The following MEOX2 variants were observed in gnomAD, a reference collection of about 807,000 sequenced individuals.
MEOX2 encodes the protein homeobox protein MOX-2.
In MEOX2, 11 loss-of-function variants were observed where a neutral mutation model predicts 27.0. The ratio of observed to expected loss-of-function variants is 0.41; its 90% CI spans 0.26 to 0.68. MEOX2 has a LOEUF of 0.68. Ranked by LOEUF, MEOX2 falls within the 30% of genes least tolerant of loss-of-function variation. MEOX2 has a pLI of 0.33. For missense variants in MEOX2, 436 were observed against 385.4 expected, an observed-to-expected ratio of 1.13 and a Z score of -1.10; for synonymous variants, 189 against 155.4, an observed-to-expected ratio of 1.22 and a Z score of -1.61.
At chr7:15,669,305 A>T (rs1782060307) in intron 1 of MEOX2, among the ~76,000 whole-genome samples, 1 of 152,220 alleles carries the variant, frequency 6.6e-6, no homozygotes, top group African/African-American at 2.4e-5. Flanking sequence ...CTGGGCACTT[A>T]TTTATATTTG....
In MEOX2 at chr7:15,678,414, G is replaced by A. The variant is rs773892596; in HGVS notation, c.517+7472C>T. Among the ~76,000 whole-genome samples the A allele has an allele frequency of 1.8e-4, 28 of 151,972 alleles. 2 individuals carry two copies. Among genetic ancestry groups the A allele is most frequent in the South Asian group, 4.1e-4 (2 of 4,822 alleles). On this transcript the variant is annotated intron_variant, in intron 1 of 2. Coordinates refer to ENST00000262041, the MANE Select transcript of MEOX2 (RefSeq NM_005924.5). ...ACCAAGCTAGTCCCCATTACGTTTC[G>A]GATAACACATATTTATTTTTCTGAA...
Position 15,656,233 on chromosome 7 carries a change from G to C in MEOX2, c.518-29315C>G, listed in dbSNP as rs1371617797. Among the ~76,000 whole-genome samples, 5 of 151,496 alleles carry C rather than the reference G, an allele frequency of 3.3e-5. No homozygotes were observed. In the South Asian group the frequency reaches 1.0e-3, roughly 31 times the overall value. ...TTTAATTTTCTTTGCTCCCAACCTA[G>C]ATTTATGATTGTATTTAGAGTGAGT... is the stretch of plus-strand genomic sequence containing the variant. On this transcript the variant is annotated intron_variant, in intron 1 of 2. Transcript: ENST00000262041.
chr7:15,682,389 G>A (rs889849775), intron 1 of MEOX2, among the ~76,000 whole-genome samples: 6 of 151,728 alleles, frequency 4.0e-5, no homozygotes, highest in African/African-American at 1.4e-4. Context: ...TGTAATATTT[G>A]CTAGTCATTC....
chr7:15,615,668 T>C (rs73298592), intron 2 of MEOX2, among the ~76,000 whole-genome samples: 7,648 of 152,100 alleles, frequency 0.05, 254 homozygotes, highest in African/African-American at 0.1. Context: ...TGTGTGAATT[T>C]GAGAAAATTT....
intron 1 of MEOX2, among the ~76,000 whole-genome samples, chr7:15,627,497 C>G (rs1259830833): frequency 1.3e-5 from 2 of 151,754 alleles, no homozygotes; most frequent in Non-Finnish European, 2.9e-5. Flanking sequence ...ATACTTAGTC[C>G]AACATGGAAT....
At chr7:15,657,643 T>G (rs887643805) in intron 1 of MEOX2, among the ~76,000 whole-genome samples, 1 of 152,216 alleles carries the variant, frequency 6.6e-6, no homozygotes, top group African/African-American at 2.4e-5. Flanking sequence ...TTGAAAAGAT[T>G]TTATGATTAT....
In MEOX2 at chr7:15,611,301, A is replaced by G. The variant is rs1318744135; in HGVS notation, c.*1086T>C. On this transcript the variant is annotated 3_prime_UTR_variant, in exon 3 of 3. Transcript: ENST00000262041. ...ATGAATACATCACATATGAAAAAAT[A>G]ATGTGTTTTTACCGAATTTAATTTG... 6.6e-6 allele frequency: 1 copy of G among 152,192 alleles called. No homozygotes were observed. The highest frequency in any genetic ancestry group is 1.5e-5 in the Non-Finnish European group (1 of 68,012). The allele number at this position is 152,192 out of a possible 1,614,324, so 9.4% of individuals were successfully genotyped here. A position where few individuals can be genotyped will look rare whatever the true frequency, so the allele number is the denominator to read the frequency against.
chr7:15,660,752 T>A (rs1386890954), intron 1 of MEOX2, among the ~76,000 whole-genome samples: 1 of 152,024 alleles, frequency 6.6e-6, no homozygotes, highest in Non-Finnish European at 1.5e-5. Flanking sequence ...CCAGGCGTGG[T>A]GGCTCATGCC....
At chr7:15,656,158 C>T (rs1207177031) in intron 1 of MEOX2, among the ~76,000 whole-genome samples, 1 of 150,782 alleles carries the variant, frequency 6.6e-6, no homozygotes, top group African/African-American at 2.4e-5. Context: ...ATTAATATAC[C>T]CACTCCTTCC....
At chr7:15,632,153 C>T (rs1232917786) in intron 1 of MEOX2, among the ~76,000 whole-genome samples, 1 of 151,722 alleles carries the variant, frequency 6.6e-6, no homozygotes, top group East Asian at 1.9e-4. Context: ...CATTGCATTG[C>T]TGGAATAAAC....
chr7:15,649,559 A>C (rs1781704329), intron 1 of MEOX2, among the ~76,000 whole-genome samples: 1 of 152,062 alleles, frequency 6.6e-6, no homozygotes, highest in African/African-American at 2.4e-5. Context: ...AGATGACAAG[A>C]AAAATAAGAA....
intron 1 of MEOX2, among the ~76,000 whole-genome samples, chr7:15,638,894 T>C (rs185464468): frequency 3.3e-5 from 5 of 152,154 alleles, no homozygotes; most frequent in Admixed American, 1.3e-4. Context: ...GATGGACATT[T>C]AGGTTGATTC....
intron 1 of MEOX2, among the ~76,000 whole-genome samples, chr7:15,657,342 G>T (rs947421089): frequency 2.6e-5 from 4 of 151,804 alleles, no homozygotes; most frequent in African/African-American, 9.7e-5. Flanking sequence ...GATTGCTTTT[G>T]GTCACAGTCT....
chr7:15,678,067 T>A lies in MEOX2; in HGVS notation c.517+7819A>T, dbSNP rs796646996. Among the ~76,000 whole-genome samples, 10 of 152,174 alleles carry A rather than the reference T, an allele frequency of 6.6e-5. 1 individual carries two copies. The South Asian group carries it at 1.9e-3, about 28-fold the overall frequency. On this transcript the variant is annotated intron_variant, in intron 1 of 2. Transcript: ENST00000262041. Reference sequence around the variant, plus strand: ...TTAGAAACATGGGTGGCAGCAAGCCTCCAAATAGGGATGCCTAAACTCTGA... The same window carrying A: ...TTAGAAACATGGGTGGCAGCAAGCCACCAAATAGGGATGCCTAAACTCTGA...
At chr7:15,677,276 C>G (rs902215776) in intron 1 of MEOX2, among the ~76,000 whole-genome samples, 9 of 152,176 alleles carry the variant, frequency 5.9e-5, no homozygotes, top group African/African-American at 2.2e-4. Context: ...TGACACTTTA[C>G]TAAGCCAGAC....
At chr7:15,685,344 TAAG>T (rs1473231214) in intron 1 of MEOX2, among the ~76,000 whole-genome samples, 1 of 150,196 alleles carries the variant, frequency 6.7e-6, no homozygotes, top group Non-Finnish European at 1.5e-5. Flanking sequence ...AACGCTGAAA[TAAG>T]AATGTTAAAA....
At position 15,612,067 on chromosome 7, in the gene MEOX2, T is replaced by C. The variant is rs12672203; in HGVS notation, c.*320A>G. 0.048 allele frequency: 15,600 copies of C among 326,868 alleles called. 1,884 individuals are homozygous for C. The highest frequency in any genetic ancestry group is 0.42 in the East Asian group (6,792 of 16,112). The allele number at this position is 326,868 out of a possible 1,614,324, so 20.2% of individuals were successfully genotyped here. On this transcript the variant is annotated 3_prime_UTR_variant, in exon 3 of 3. Transcript: ENST00000262041. ...TGGAGACATCTTGAATAAAAAACCG[T>C]TCATAGTTTGCTCTTGATAGCAATT...
chr7:15,662,753 G>A (rs944220998), intron 1 of MEOX2, among the ~76,000 whole-genome samples: 1 of 151,434 alleles, frequency 6.6e-6, no homozygotes, highest in Non-Finnish European at 1.5e-5. Flanking sequence ...AGTATTTTTG[G>A]TAATTTATTT....
At position 15,686,520 on chromosome 7, in the gene MEOX2, G is replaced by A; in HGVS notation, c.-118C>T. The A allele has an allele frequency of 1.1e-6, 1 of 897,928 alleles. No individual in the cohort carries two copies. Among genetic ancestry groups the A allele is most frequent in the Non-Finnish European group, 1.7e-6 (1 of 597,744 alleles). The allele number at this position is 897,928 out of a possible 1,614,324, so 55.6% of individuals were successfully genotyped here. On this transcript the variant is annotated 5_prime_UTR_variant, in exon 1 of 3. Coordinates refer to ENST00000262041, the MANE Select transcript of MEOX2 (RefSeq NM_005924.5). ...TTTTTTTTAACCTCCCAAAGCAATAGCGGTGCACTTCTGCAGAGCTCGGAT... is the reference window on the plus strand; with the variant it reads ...TTTTTTTTAACCTCCCAAAGCAATAACGGTGCACTTCTGCAGAGCTCGGAT...
Sources: gnomAD v4.1 joint callset for allele counts (sites outside exome capture counted in the v4.1 genomes callset) on GRCh38, gnomAD v4.1.1 for gene constraint, MANE v1.5 for transcripts, NCBI Gene and HGNC (gene_info 2026-07-23, HGNC 2026-07-21) for gene names.